TMEM117: variants seen among roughly 807,000 people sequenced by gnomAD.
The protein encoded by TMEM117 is transmembrane protein 117.
Under a neutral mutation model 52.4 loss-of-function variants are expected in TMEM117, and 27 were observed. The observed-to-expected ratio is 0.51, with a 90% CI of 0.38 to 0.71. The LOEUF is 0.71. Ranked by LOEUF, TMEM117 falls within the 30% of genes least tolerant of loss-of-function variation. The pLI is 0.00. For missense variants in TMEM117, 556 were observed against 630.5 expected (o/e 0.88, Z 1.26); for synonymous variants, 215 against 206.3 (o/e 1.04, Z -0.36).
intron 3 of TMEM117, among the ~76,000 whole-genome samples, chr12:43,953,143 T>G (rs570747968): frequency 8.6e-5 from 13 of 151,956 alleles, no homozygotes; most frequent in Admixed American, 1.3e-4. Flanking sequence ...AGTGCTTCCT[T>G]CAGGAAGCAC....
intron 2 of TMEM117, among the ~76,000 whole-genome samples, chr12:43,879,403 C>T (rs935597341): frequency 6.6e-6 from 1 of 152,124 alleles, no homozygotes; most frequent in African/African-American, 2.4e-5. Context: ...TCCATTGCTC[C>T]CTGTTGGTGA....
intron 3 of TMEM117, among the ~76,000 whole-genome samples, chr12:43,993,672 A>G (rs996835342): frequency 6.6e-6 from 1 of 152,140 alleles, no homozygotes; most frequent in Non-Finnish European, 1.5e-5. Flanking sequence ...ATTAAAAACC[A>G]CCTATAATTC....
chr12:44,045,775 G>A (rs572741926), intron 3 of TMEM117, among the ~76,000 whole-genome samples: 49 of 152,228 alleles, frequency 3.2e-4, no homozygotes, highest in African/African-American at 1.1e-3. Flanking sequence ...CCTGAGAGGC[G>A]GAAATTGCAG....
At chr12:44,152,161 AAT>A (rs1253868923) in intron 4 of TMEM117, among the ~76,000 whole-genome samples, 1 of 111,130 alleles carries the variant, frequency 9.0e-6, no homozygotes, top group African/African-American at 3.7e-5. Context: ...ATATTTACAT[AAT>A]ATATATAAAA....
At chr12:43,984,658 A>T (rs1212205046) in intron 3 of TMEM117, among the ~76,000 whole-genome samples, 2 of 152,328 alleles carry the variant, frequency 1.3e-5, no homozygotes, top group African/African-American at 2.4e-5. Context: ...GGAACCAATA[A>T]CTAGTACAAG....
chr12:43,905,248 G>A (rs948625991), intron 2 of TMEM117, among the ~76,000 whole-genome samples: 2 of 152,146 alleles, frequency 1.3e-5, no homozygotes, highest in South Asian at 2.1e-4. Flanking sequence ...GCTTAGAAAG[G>A]GCAGCTGCAG....
Position 44,372,272 on chromosome 12 carries a change from A to G in TMEM117, c.769-4323A>G, listed in dbSNP as rs150414525. Among the ~76,000 whole-genome samples the G allele has an allele frequency of 5.9e-5, 9 of 152,142 alleles. No homozygotes were observed. The East Asian group carries it at 1.5e-3, about 26-fold the overall frequency. ...TCTACCATGGGCTTTGTAGCTGAAC[A>G]CCTCTTGCCTCGTCATTCCCTTAAT... On this transcript the variant is annotated intron_variant, in intron 6 of 7. Coordinates refer to ENST00000266534, the MANE Select transcript of TMEM117 (RefSeq NM_032256.3).
intron 3 of TMEM117, among the ~76,000 whole-genome samples, chr12:44,108,362 G>A (rs1413295329): frequency 1.3e-4 from 14 of 104,376 alleles, no homozygotes; most frequent in Non-Finnish European, 2.1e-4. Context: ...CCCCTCCCCC[G>A]ACCCCACCAC....
chr12:43,807,249 G>C, the TMEM117 span, among the ~76,000 whole-genome samples: 5 of 152,020 alleles, frequency 3.3e-5, no homozygotes, highest in East Asian at 9.6e-4. Context: ...AATTTATTCA[G>C]GTCAATAATA....
At chr12:44,276,890 T>TTGTG (rs1393191637) in intron 5 of TMEM117, among the ~76,000 whole-genome samples, 18 of 145,282 alleles carry the variant, frequency 1.2e-4, no homozygotes, top group East Asian at 1.2e-3. Flanking sequence ...CATGAAAAGT[T>TTGTG]TGTGTGTGTG....
chr12:43,911,886 T>G (rs1046451250), intron 2 of TMEM117, among the ~76,000 whole-genome samples: 3 of 149,640 alleles, frequency 2.0e-5, no homozygotes, highest in Non-Finnish European at 3.0e-5. Flanking sequence ...GGAACACTTT[T>G]ACACTGTTGG....
At chr12:43,939,611 T>C (rs1945011093) in intron 2 of TMEM117, among the ~76,000 whole-genome samples, 1 of 152,188 alleles carries the variant, frequency 6.6e-6, no homozygotes, top group African/African-American at 2.4e-5. Flanking sequence ...GTAATGGTCT[T>C]CTACCACTTT....
rs148679487 is a variant in TMEM117, at chr12:43,860,375, G to A, written c.277+15447G>A. Among the ~76,000 whole-genome samples the A allele has an allele frequency of 4.7e-3, 710 of 152,268 alleles. 7 individuals carry two copies. The highest frequency in any genetic ancestry group is 0.016 in the African/African-American group (658 of 41,546). On this transcript the variant is annotated intron_variant, in intron 2 of 7. Transcript: ENST00000266534. ...GGGGATCCAGCATTGAACCCAACAA[G>A]GTCCCTGCTGTGACTGAGCTTACAG...
intron 4 of TMEM117, among the ~76,000 whole-genome samples, chr12:44,164,093 T>TGAG (rs1000419078): frequency 6.6e-6 from 1 of 152,092 alleles, no homozygotes; most frequent in Non-Finnish European, 1.5e-5. Flanking sequence ...GGTCTTGGAA[T>TGAG]GAGAAGACTA....
intron 5 of TMEM117, among the ~76,000 whole-genome samples, chr12:44,254,046 C>T (rs55840982): frequency 0.074 from 10,898 of 147,246 alleles, 570 homozygotes; most frequent in Middle Eastern, 0.17. Context: ...GCAGGCTAAC[C>T]AACTCAATGA....
At chr12:44,024,623 C>G (rs1238168046) in intron 3 of TMEM117, among the ~76,000 whole-genome samples, 3 of 128,272 alleles carry the variant, frequency 2.3e-5, no homozygotes, top group African/African-American at 9.1e-5. Flanking sequence ...AGAGAGAAGG[C>G]AGGAAGGGAG....
At chr12:44,223,954 G>T (rs886764478) in intron 5 of TMEM117, among the ~76,000 whole-genome samples, 1 of 152,178 alleles carries the variant, frequency 6.6e-6, no homozygotes, top group Non-Finnish European at 1.5e-5. Flanking sequence ...CCATCATCCT[G>T]GCTGTCAATC....
intron 3 of TMEM117, among the ~76,000 whole-genome samples, chr12:43,952,354 A>T (rs1487690890): frequency 6.6e-6 from 1 of 152,064 alleles, no homozygotes; most frequent in Admixed American, 6.5e-5. Flanking sequence ...GAGCCAAAGG[A>T]TTATGTTCTA....
intron 3 of TMEM117, among the ~76,000 whole-genome samples, chr12:43,960,452 G>A (rs910186837): frequency 2.6e-5 from 4 of 152,198 alleles, no homozygotes; most frequent in Admixed American, 2.6e-4. Context: ...GGTTTTAATA[G>A]TACAAAGGTA....
Sources: allele counts gnomAD v4.1 joint callset (sites outside exome capture counted in the v4.1 genomes callset), GRCh38; gene constraint gnomAD v4.1.1; transcripts MANE v1.5; gene names NCBI Gene and HGNC (gene_info 2026-07-23, HGNC 2026-07-21).